CPM: variants seen among roughly 807,000 people sequenced by gnomAD.
The protein encoded by CPM is carboxypeptidase M.
In CPM, 35 loss-of-function variants were observed where a neutral mutation model predicts 46.4. The ratio of observed to expected loss-of-function variants is 0.75; its 90% CI spans 0.58 to 1.00. The LOEUF (loss-of-function observed/expected upper bound fraction) is 1.00, where lower values mean the gene tolerates loss of function less well. CPM is among the 50% of genes least tolerant of loss of function. CPM has a pLI of 0.00. For missense variants in CPM, 422 were observed against 530.4 expected (o/e 0.80, Z 2.01); for synonymous variants, 195 against 195.3 (o/e 1.00, Z 0.01).
At chr12:68,932,972 G>A (rs1009380076) in intron 1 of CPM, 132 bp from the exon 2 acceptor site, 2 of 769,672 alleles carry the variant, frequency 2.6e-6, no homozygotes, top group Non-Finnish European at 4.1e-6. Flanking sequence ...GGAGGCAAAA[G>A]CTGGAAGCAA....
At chr12:68,916,043 G>T (rs1592692018) in intron 2 of CPM, among the ~76,000 whole-genome samples, 2 of 152,202 alleles carry the variant, frequency 1.3e-5, no homozygotes, top group Non-Finnish European at 2.9e-5. Flanking sequence ...TGAATGGCTT[G>T]TCTAGAAAAT....
upstream of CPM, among the ~76,000 whole-genome samples, chr12:68,935,960 A>G (rs1213209088): frequency 6.6e-6 from 1 of 152,174 alleles, no homozygotes; most frequent in Non-Finnish European, 1.5e-5. Context: ...GGAGATTGCC[A>G]GGATTGTTGT....
intron 2 of CPM, among the ~76,000 whole-genome samples, chr12:68,895,856 A>G (rs937059921): frequency 1.3e-5 from 2 of 152,204 alleles, no homozygotes; most frequent in Non-Finnish European, 2.9e-5. Context: ...CATCACTTTC[A>G]TGCTTTGACA....
intron 3 of CPM, among the ~76,000 whole-genome samples, chr12:68,874,674 G>A (rs760163635): frequency 1.3e-5 from 2 of 152,110 alleles, no homozygotes; most frequent in Non-Finnish European, 2.9e-5. Flanking sequence ...GAAGGGTTTG[G>A]GGAGGAATAG....
downstream of CPM, chr12:68,850,035 A>C (rs1884593252): frequency 6.6e-6 from 1 of 152,434 alleles, no homozygotes; most frequent in Non-Finnish European, 1.5e-5. Flanking sequence ...CTGTAATCCC[A>C]GCACTTTGGG....
At chr12:68,861,370 C>T (rs915627035) in intron 7 of CPM, among the ~76,000 whole-genome samples, 4 of 152,168 alleles carry the variant, frequency 2.6e-5, no homozygotes, top group Non-Finnish European at 5.9e-5. Flanking sequence ...CTTCATGCCA[C>T]TTAGAAAATC....
intron 1 of CPM, among the ~76,000 whole-genome samples, chr12:68,959,740 T>TTC (rs1379849585): frequency 6.6e-6 from 1 of 152,186 alleles, no homozygotes; most frequent in Non-Finnish European, 1.5e-5. Context: ...GCCTTAGGAA[T>TTC]AAGGAAGAAG....
At position 68,912,157 on chromosome 12, in the gene CPM, G is replaced by A. The variant is rs151204357; in HGVS notation, c.160+20521C>T. Among the ~76,000 whole-genome samples, 531 of 152,150 alleles carry A rather than the reference G, an allele frequency of 3.5e-3. 1 individual carries two copies. Among genetic ancestry groups the A allele is most frequent in the Admixed American group, 6.7e-3 (103 of 15,276 alleles). On this transcript the variant is annotated intron_variant, in intron 2 of 8. Coordinates refer to ENST00000551568, the MANE Select transcript of CPM (RefSeq NM_198320.5). ...CAAGTAGCTGGGATTACAGGCATGC[G>A]CCAACACACTCGGCTAATTTTGTAT...
At chr12:68,844,929 C>G (rs948591886) in intron 5 of CPM, 1 of 197,438 alleles carries the variant, frequency 5.1e-6, no homozygotes, top group East Asian at 7.9e-5. Flanking sequence ...CACCACGCCC[C>G]GCTAATTTTT....
At chr12:68,879,735 G>T (rs1408347094) in intron 3 of CPM, among the ~76,000 whole-genome samples, 1 of 152,118 alleles carries the variant, frequency 6.6e-6, no homozygotes, top group East Asian at 1.9e-4. Flanking sequence ...AATTAAAGAT[G>T]TCTTACCAAC....
chr12:68,871,672 G>T lies in CPM; in HGVS notation c.431+112C>A, dbSNP rs146457332. On this transcript the variant is annotated intron_variant, in intron 4 of 8. Transcript: ENST00000551568. ...TTGGCACATCAGCGACATGACACCG[G>T]CTCTGAGGGCTCTCACCATGACACA... is the stretch of plus-strand genomic sequence containing the variant. 4.0e-3 allele frequency: 4,578 copies of T among 1,144,818 alleles called. 16 individuals are homozygous for T. Among genetic ancestry groups the T allele is most frequent in the Non-Finnish European group, 4.8e-3 (3,789 of 785,216 alleles). 70.9% of individuals were successfully genotyped at this position (1,144,818 alleles called of 1,614,324 possible).
At chr12:68,868,870 T>C (rs200750176) in intron 6 of CPM, among the ~76,000 whole-genome samples, 296 of 152,322 alleles carry the variant, frequency 1.9e-3, no homozygotes, top group Non-Finnish European at 3.2e-3. Context: ...GCTGTCCCTG[T>C]TAGATGGGAT....
chr12:68,949,423 G>A (rs1162245982), intron 1 of CPM, among the ~76,000 whole-genome samples: 1 of 152,136 alleles, frequency 6.6e-6, no homozygotes, highest in Non-Finnish European at 1.5e-5. Flanking sequence ...AGTAGATAAG[G>A]ATTCAAATTC....
intron 5 of CPM, chr12:68,844,489 GA>G (rs1884092109): frequency 4.4e-6 from 1 of 228,598 alleles, no homozygotes; most frequent in African/African-American, 2.2e-5. Flanking sequence ...GTCTATAAGG[GA>G]GGTAGCTGGG....
At chr12:68,956,924 G>C (rs1296746883) in intron 1 of CPM, among the ~76,000 whole-genome samples, 2 of 152,138 alleles carry the variant, frequency 1.3e-5, no homozygotes, top group African/African-American at 4.8e-5. Flanking sequence ...ATCAGGTACT[G>C]TTTCTACCCC....
intron 2 of CPM, among the ~76,000 whole-genome samples, chr12:68,925,157 G>C (rs560906633): frequency 1.6e-4 from 24 of 152,260 alleles, no homozygotes; most frequent in South Asian, 1.4e-3. Context: ...TTTTAGAAGA[G>C]TTGTTTTATT....
At chr12:68,860,671 T>A (rs1384801814) in intron 7 of CPM, among the ~76,000 whole-genome samples, 1 of 152,110 alleles carries the variant, frequency 6.6e-6, no homozygotes, top group Non-Finnish European at 1.5e-5. Context: ...AAATATAGCG[T>A]GTACCCATCA....
At chr12:68,893,046 AT>A (rs1362220585) in intron 2 of CPM, among the ~76,000 whole-genome samples, 1 of 151,828 alleles carries the variant, frequency 6.6e-6, no homozygotes, top group East Asian at 1.9e-4. Context: ...TGACAGGTTG[AT>A]AAGGTGCAGC....
At chr12:68,874,628 A>C (rs1333150715) in intron 3 of CPM, among the ~76,000 whole-genome samples, 1 of 152,188 alleles carries the variant, frequency 6.6e-6, no homozygotes, top group Admixed American at 6.5e-5. Flanking sequence ...AACCAAAAAA[A>C]TGTGAAAAAG....
Sources: allele counts gnomAD v4.1 joint callset (sites outside exome capture counted in the v4.1 genomes callset), GRCh38; gene constraint gnomAD v4.1.1; transcripts MANE v1.5; gene names NCBI Gene and HGNC (gene_info 2026-07-23, HGNC 2026-07-21).